The following SIPA1 variants were observed in gnomAD, a reference collection of about 807,000 sequenced individuals.
The protein encoded by SIPA1 is signal-induced proliferation-associated 1, also known as signal-induced proliferation-associated protein 1.
In SIPA1, 51 loss-of-function variants were observed where a neutral mutation model predicts 88.1. That is an observed-to-expected ratio of 0.58 (90% CI 0.46 to 0.73). The LOEUF is 0.73. Among genes scored for constraint, SIPA1 ranks in the 30% least tolerant of loss-of-function variants. The pLI is 0.00. For missense variants in SIPA1, 1,348 were observed against 1,467.6 expected (o/e 0.92, Z 1.33); for synonymous variants, 681 against 664.8 (o/e 1.02, Z -0.37).
At chr11:65,650,216 C>A in intron 14 of SIPA1, 24 bp downstream of exon 14, 2 of 1,612,612 alleles carry the variant, frequency 1.2e-6, no homozygotes. Context: ...CTCCCCACAG[C>A]CGCTTTACCT....
intron 9 of SIPA1, 116 bp downstream of exon 9, chr11:65,647,774 C>A: frequency 1.2e-6 from 1 of 808,242 alleles, no homozygotes; most frequent in Non-Finnish European, 1.6e-6. Flanking sequence ...ACCTTTCCTT[C>A]TGGAAAGAAT....
chr11:65,648,042 T>C (rs964808698), intron 9 of SIPA1, among the ~76,000 whole-genome samples: 4 of 152,070 alleles, frequency 2.6e-5, no homozygotes, highest in Non-Finnish European at 4.4e-5. Flanking sequence ...CGGTTAATTT[T>C]TTCTATTTTT....
In SIPA1 at chr11:65,649,383, C is replaced by A; in HGVS notation, c.2428C>A (p.Leu810Met). ...LLPTTKQLLH[L>M]CLQDGGSPPG... ...GCCCACCACAAAGCAGCTGCTGCAC[C>A]TGTGCCTGCAAGATGGTGGCAGTCC... is the stretch of plus-strand genomic sequence containing the variant. The change falls in exon 10 of 16, where the codon CTG (leucine) becomes ATG (methionine). Residue 810 changes from leucine to methionine, a missense_variant. By Grantham distance (15) the Leu-to-Met change is conservative (BLOSUM62 2). Coordinates refer to ENST00000534313, the MANE Select transcript of SIPA1 (RefSeq NM_006747.4). 1 of 1,576,312 alleles carries A rather than the reference C, an allele frequency of 6.3e-7. No individual in the cohort carries two copies. The highest frequency in any genetic ancestry group is 1.8e-5 in the Admixed American group (1 of 54,242).
intron 9 of SIPA1, among the ~76,000 whole-genome samples, chr11:65,648,772 G>A (rs1344545350): frequency 1.3e-5 from 2 of 151,616 alleles, no homozygotes; most frequent in Non-Finnish European, 2.9e-5. Flanking sequence ...GGTGGAGGAG[G>A]TTGCCATGAG....
Position 65,645,143 on chromosome 11 carries a change from G to C in SIPA1, c.1159+14G>C, listed in dbSNP as rs762510236. The C allele has an allele frequency of 1.2e-6, 2 of 1,611,364 alleles. No individual in the cohort carries two copies. Among genetic ancestry groups the C allele is most frequent in the South Asian group, 2.2e-5 (2 of 90,786 alleles). On this transcript the variant is annotated intron_variant, in intron 5 of 15. Coordinates refer to ENST00000534313, the MANE Select transcript of SIPA1 (RefSeq NM_006747.4). ...TAGACACCAAAAGTGAGGCCCAGGGGCAGGAGGGGTGGGAGCAGATCTGTG... is the reference window on the plus strand; with the variant it reads ...TAGACACCAAAAGTGAGGCCCAGGGCCAGGAGGGGTGGGAGCAGATCTGTG...
chr11:65,650,260 G>A, intron 14 of SIPA1, 68 bp downstream of exon 14: 1 of 1,574,628 alleles, frequency 6.4e-7, no homozygotes, highest in East Asian at 2.2e-5. Context: ...CCTGTCTGCT[G>A]GGGTGGAGCT....
intron 4 of SIPA1, among the ~76,000 whole-genome samples, chr11:65,644,539 C>G (rs1856069635): frequency 6.6e-6 from 1 of 151,692 alleles, no homozygotes; most frequent in Non-Finnish European, 1.5e-5. Flanking sequence ...GCATGGTTAT[C>G]CAGTTATCCG....
chr11:65,650,323 CATTAGCTGGGGCTGGGA>C (rs2135535780), intron 14 of SIPA1, 61 bp from the exon 15 acceptor site: 1 of 1,555,840 alleles, frequency 6.4e-7, no homozygotes, highest in East Asian at 2.3e-5. Flanking sequence ...GGGCCCCTCT[CATTAGCTGGGGCTGGGA>C]GTCAGCTGGT....
Position 65,647,577 on chromosome 11 carries a change from A to C in SIPA1, c.2225A>C (p.Glu742Ala), listed in dbSNP as rs773661676. 1.5e-6 allele frequency: 2 copies of C among 1,347,420 alleles called. No homozygotes were observed. The highest frequency in any genetic ancestry group is 3.1e-5 in the African/African-American group (2 of 64,326). 83.5% of individuals were successfully genotyped at this position (1,347,420 alleles called of 1,614,324 possible). The change falls in exon 9 of 16, where the codon GAG (glutamate) becomes GCG (alanine). Residue 742 changes from glutamate (E) to alanine (A), a missense_variant. This residue lies in a region of SIPA1 where 615 missense variants were observed against 559.8 expected (regional missense o/e 1.10). Transcript: ENST00000534313. The stretch of plus-strand genomic sequence containing the variant: ...CAGACTCTGCCCAGCCTCCGGCCCG[A>C]GGCCGCTGCCCAGCTCCTGCGCTCG... ...CGQTLPSLRP[E>A]AAAQLLRSAP...
In SIPA1 at chr11:65,646,185, A is replaced by G. The variant is rs201926117; in HGVS notation, c.1264-36A>G. ...AATGAGGAGGGGTTTGGGGCACAGA[A>G]GACCTCATCACGAGCCCCTACTATC... On this transcript the variant is annotated intron_variant, in intron 6 of 15. Transcript: ENST00000534313. The surrounding 1 kb of genome is among the most constrained non-coding windows in gnomAD (Gnocchi z 7.5). The G allele has an allele frequency of 1.9e-5, 30 of 1,608,736 alleles. No homozygotes were observed. The East Asian group carries it at 6.5e-4, about 35-fold the overall frequency.
chr11:65,649,899 T>TG lies in SIPA1; in HGVS notation c.2746+40dup, dbSNP rs750497889. ...GGACCCAGGAGAGCAGGGGAGGGGT[T>TG]GGGGGGTGCTCCTGGGCTTCCCTAG... is the stretch of plus-strand genomic sequence containing the variant. On this transcript the variant is annotated intron_variant, in intron 12 of 15. Coordinates refer to ENST00000534313, the MANE Select transcript of SIPA1 (RefSeq NM_006747.4). 2.0e-5 allele frequency: 33 copies of TG among 1,613,190 alleles called. No homozygotes were observed. The South Asian group carries it at 2.3e-4, about 11-fold the overall frequency.
intron 9 of SIPA1, among the ~76,000 whole-genome samples, chr11:65,648,778 A>G (rs1017949385): frequency 3.3e-5 from 5 of 151,948 alleles, no homozygotes; most frequent in Non-Finnish European, 5.9e-5. Flanking sequence ...GGAGGTTGCC[A>G]TGAGCTGTGA....
Position 65,647,080 on chromosome 11 carries a change from T to C in SIPA1, c.2031+15T>C. The stretch of plus-strand genomic sequence containing the variant: ...CGCGCCTGCAGGTGAGCTGGAGTGG[T>C]AAACTGGGGCCCCTGCGCGCGGCGG... On this transcript the variant is annotated intron_variant, in intron 8 of 15. Coordinates refer to ENST00000534313, the MANE Select transcript of SIPA1 (RefSeq NM_006747.4). 2 of 1,513,102 alleles carry C rather than the reference T, an allele frequency of 1.3e-6. No individual in the cohort carries two copies. The allele number at this position is 1,513,102 out of a possible 1,614,324, so 93.7% of individuals were successfully genotyped here.
rs76089059 is a variant in SIPA1 at position 65,650,577 on chromosome 11, G to A, written c.2991G>A (p.Ala997=). 5.6e-3 allele frequency: 8,952 copies of A among 1,601,254 alleles called. 438 individuals are homozygous for A. In the African/African-American group the frequency reaches 0.11, roughly 19 times the overall value. ...KLQEDLQKEK[A]DRAALEEEVR... is the part of the protein sequence containing the mutation. ...TCTCCCCGGCACCCCAGGAGAAGGCGGACAGGGCGGCCCTGGAGGAGGAGG... is the reference window on the plus strand; with the variant it reads ...TCTCCCCGGCACCCCAGGAGAAGGCAGACAGGGCGGCCCTGGAGGAGGAGG... Residue 997 remains alanine, a synonymous_variant, in exon 16 of 16, where the codon GCG becomes GCA. Coordinates refer to ENST00000534313, the MANE Select transcript of SIPA1 (RefSeq NM_006747.4).
Position 65,650,778 on chromosome 11 carries a change from T to G in SIPA1, c.*63T>G, listed in dbSNP as rs1235474159. On this transcript the variant is annotated 3_prime_UTR_variant, in exon 16 of 16. Coordinates refer to ENST00000534313, the MANE Select transcript of SIPA1 (RefSeq NM_006747.4). ...GTCACACTGGGCCCTCCTCAGGAAC[T>G]CTCCCTGCGCAGAGGCGTGTCTTAG... is the stretch of plus-strand genomic sequence containing the variant. 3.4e-6 allele frequency: 5 copies of G among 1,462,222 alleles called. No homozygotes were observed. In the Admixed American group the frequency reaches 9.8e-5, roughly 29 times the overall value. 90.6% of individuals were successfully genotyped at this position (1,462,222 alleles called of 1,614,324 possible). A position where few individuals can be genotyped will look rare whatever the true frequency, so the allele number is the denominator to read the frequency against.
chr11:65,647,144 T>C, intron 8 of SIPA1, 79 bp downstream of exon 8: 1 of 1,422,862 alleles, frequency 7.0e-7, no homozygotes, highest in Non-Finnish European at 9.2e-7. Context: ...CCGCCGCCTT[T>C]GTCCCCTACT....
At position 65,649,397 on chromosome 11, in the gene SIPA1, T is replaced by C. The variant is rs1856208165; in HGVS notation, c.2442T>C (p.Asp814=). ...AGCTGCTGCACCTGTGCCTGCAAGA[T>C]GGTGGCAGTCCTCCAGGGCCTGGGG... ...TKQLLHLCLQ[D]GGSPPGPGDL... The change falls in exon 10 of 16, where the codon GAT becomes GAC. Residue 814 remains aspartate, a synonymous_variant. Coordinates refer to ENST00000534313, the MANE Select transcript of SIPA1 (RefSeq NM_006747.4). 6.3e-7 allele frequency: 1 copy of C among 1,583,944 alleles called. No individual in the cohort carries two copies. The highest frequency in any genetic ancestry group is 8.6e-7 in the Non-Finnish European group (1 of 1,164,604).
In SIPA1 at chr11:65,646,767, C is replaced by T; in HGVS notation, c.1733C>T (p.Ala578Val). Residue 578 changes from alanine to valine, a missense_variant, in exon 8 of 16, where the codon GCG becomes GTG. Transcript: ENST00000534313. The surrounding 1 kb of genome is among the most constrained non-coding windows in gnomAD (Gnocchi z 7.5). Reference sequence around the variant, plus strand: ...GGCCCAGGCGCCGAGCTGCAGGCAGCGGGCTCACTGGTGTGGGGAGTGCGC... The same window carrying T: ...GGCCCAGGCGCCGAGCTGCAGGCAGTGGGCTCACTGGTGTGGGGAGTGCGC... ...PRGPGAELQA[A>V]GSLVWGVRAA... is the part of the protein sequence containing the mutation. The T allele has an allele frequency of 4.7e-6, 7 of 1,486,002 alleles. No homozygotes were observed. The highest frequency in any genetic ancestry group is 6.2e-6 in the Non-Finnish European group (7 of 1,125,336). The allele number at this position is 1,486,002 out of a possible 1,614,324, so 92.1% of individuals were successfully genotyped here.
In SIPA1 at chr11:65,641,009, C is replaced by T. The variant is rs1855990417; in HGVS notation, c.88C>T (p.Gln30Ter). 6.3e-7 allele frequency: 1 copy of T among 1,591,178 alleles called. No homozygotes were observed. The highest frequency in any genetic ancestry group is 8.5e-7 in the Non-Finnish European group (1 of 1,174,182). ...TGACCTCTTTGCCCGCAAGCTGCGC[C>T]AGCCAGCAAGGCCCCCGCTGACACC... ...TDDLFARKLR[Q>*]PARPPLTPHT... The change falls in exon 2 of 16, where the codon CAG becomes TAG. Residue 30 changes from glutamine to a stop codon, truncating the protein, a stop_gained. Transcript: ENST00000534313. LOFTEE classifies it high-confidence loss of function.
Sources: gnomAD v4.1 joint callset for allele counts (sites outside exome capture counted in the v4.1 genomes callset) on GRCh38, gnomAD v4.1.1 for gene constraint, gnomAD v4.1.1 regional missense constraint, Gnocchi (gnomAD v3.1) non-coding constraint, MANE v1.5 for transcripts, NCBI Gene and HGNC (gene_info 2026-07-23, HGNC 2026-07-21) for gene names.